Variants in FARP1 observed in about 807,000 individuals in gnomAD.
FARP1 encodes FERM, ARHGEF and pleckstrin domain-containing protein 1.
FARP1 carries 52 observed loss-of-function variants against 128.8 expected under a neutral mutation model. The observed-to-expected ratio is 0.40, with a 90% CI of 0.32 to 0.51. The LOEUF is 0.51. FARP1 is among the 20% of genes least tolerant of loss of function. The pLI is 0.45. For missense variants in FARP1, 1,333 were observed against 1,367.9 expected, an observed-to-expected ratio of 0.97 and a Z score of 0.40; for synonymous variants, 580 against 551.8, an observed-to-expected ratio of 1.05 and a Z score of -0.72.
chr13:98,413,048 C>T (rs9584841), intron 16 of FARP1, among the ~76,000 whole-genome samples: 2,687 of 150,924 alleles, frequency 0.018, 68 homozygotes, highest in African/African-American at 0.057. Flanking sequence ...ATTCAAGCGT[C>T]GGTTTAACAG....
At chr13:98,393,328 C>T (rs1488295997) in intron 11 of FARP1, among the ~76,000 whole-genome samples, 1 of 152,224 alleles carries the variant, frequency 6.6e-6, no homozygotes, top group Non-Finnish European at 1.5e-5. Flanking sequence ...CATCCTCCCT[C>T]CTCTGTGACT....
At chr13:98,286,791 G>A (rs1391278052) in intron 2 of FARP1, among the ~76,000 whole-genome samples, 1 of 152,058 alleles carries the variant, frequency 6.6e-6, no homozygotes, top group African/African-American at 2.4e-5. Flanking sequence ...ACTTCTTCTT[G>A]TTGTTGTTTA....
chr13:98,359,134 G>A (rs1290406391), intron 3 of FARP1, among the ~76,000 whole-genome samples: 2 of 152,180 alleles, frequency 1.3e-5, no homozygotes, highest in Non-Finnish European at 2.9e-5. Context: ...TTGGAGGGAA[G>A]CATATTAGTC....
chr13:98,329,836 C>G (rs1887412096), intron 2 of FARP1: 1 of 152,072 alleles, frequency 6.6e-6, no homozygotes, highest in Admixed American at 6.6e-5. Flanking sequence ...TTCTCGTGAA[C>G]AAAACAAGAT....
At chr13:98,173,852 C>A (rs1877812193) in intron 1 of FARP1, among the ~76,000 whole-genome samples, 3 of 152,216 alleles carry the variant, frequency 2.0e-5, no homozygotes, top group Admixed American at 2.0e-4. Flanking sequence ...CTCTTCACTT[C>A]CCCAGCAGGG....
intron 19 of FARP1, among the ~76,000 whole-genome samples, chr13:98,438,292 C>G (rs1337650125): frequency 6.6e-6 from 1 of 152,116 alleles, no homozygotes; most frequent in Non-Finnish European, 1.5e-5. Flanking sequence ...TTCCTCCAGC[C>G]ACAGTGCTCC....
intron 2 of FARP1, among the ~76,000 whole-genome samples, chr13:98,277,844 C>G (rs605695): frequency 2.0e-5 from 3 of 150,786 alleles, no homozygotes; most frequent in East Asian, 1.9e-4. Flanking sequence ...TTCCACCCCC[C>G]AGAAATTCTG....
At position 98,170,346 on chromosome 13, in the gene FARP1, G is replaced by C. The variant is rs1223166023; in HGVS notation, c.-24+26854G>C. On this transcript the variant is annotated intron_variant, in intron 1 of 26. Coordinates refer to ENST00000319562, the MANE Select transcript of FARP1 (RefSeq NM_005766.4). ...TTACAGGCATGCGCCACCATGCCTG[G>C]CTAATTTTTGTTTGTTTGTTTATTT... 3.3e-5 allele frequency among the ~76,000 whole-genome samples: 5 copies of C among 149,620 alleles called. No homozygotes were observed. The East Asian group carries it at 9.9e-4, about 29-fold the overall frequency.
At chr13:98,403,617 T>A (rs1250611673) in intron 13 of FARP1, 1 of 152,104 alleles carries the variant, frequency 6.6e-6, no homozygotes, top group Non-Finnish European at 1.5e-5. Flanking sequence ...AAGGAGCTGT[T>A]TTTCATTTTG....
chr13:98,368,890 C>T (rs1261365142), intron 5 of FARP1, among the ~76,000 whole-genome samples: 3 of 151,924 alleles, frequency 2.0e-5, no homozygotes, highest in Non-Finnish European at 2.9e-5. Flanking sequence ...GTCATTATCA[C>T]CATCATCACA....
At chr13:98,408,015 C>T (rs761361310) in intron 13 of FARP1, among the ~76,000 whole-genome samples, 13 of 152,192 alleles carry the variant, frequency 8.5e-5, no homozygotes, top group Non-Finnish European at 1.5e-5. Context: ...CTTCAGCGTA[C>T]CAAGTAGCAG....
At chr13:98,447,060 T>G (rs2139178974) in intron 26 of FARP1, 1 of 482,214 alleles carries the variant, frequency 2.1e-6, no homozygotes. Context: ...ACATCTTGCT[T>G]GGAGATCTCT....
intron 26 of FARP1, chr13:98,447,759 G>T (rs982905182): frequency 2.5e-5 from 4 of 159,236 alleles, no homozygotes; most frequent in Admixed American, 2.5e-4. Flanking sequence ...AAGGCTGGAG[G>T]ATCGATTGAG....
chr13:98,367,475 G>C (rs1021867336), intron 4 of FARP1, among the ~76,000 whole-genome samples: 4 of 150,736 alleles, frequency 2.7e-5, no homozygotes, highest in Non-Finnish European at 5.9e-5. Flanking sequence ...TAATCTGTCT[G>C]TCCTGTTTTC....
chr13:98,421,802 A>G (rs982599135), intron 16 of FARP1, among the ~76,000 whole-genome samples: 2 of 152,128 alleles, frequency 1.3e-5, no homozygotes, highest in African/African-American at 4.8e-5. Context: ...GCAGTGAGCT[A>G]TGATGATACC....
intron 18 of FARP1, chr13:98,434,396 C>T (rs533559696): frequency 2.0e-5 from 3 of 152,308 alleles, no homozygotes; most frequent in Non-Finnish European, 4.4e-5. Context: ...TCTGATAAGC[C>T]TGGGAGAATT....
Position 98,440,673 on chromosome 13 carries a change from C to A in FARP1, c.2633C>A (p.Ser878Tyr), listed in dbSNP as rs144535978. 30 of 1,612,048 alleles carry A rather than the reference C, an allele frequency of 1.9e-5. No individual in the cohort carries two copies. The African/African-American group carries it at 2.7e-4, about 14-fold the overall frequency. Residue 878 changes from serine to tyrosine, a missense_variant, in exon 24 of 27, where the codon TCC (serine) becomes TAC (tyrosine). Transcript: ENST00000319562. ...TGCCTTTTGCCCCATCCTGTAGAGT[C>A]CCCTGATGAAGCCACCGCGGCTGAC... ...FLASSPPDNK[S>Y]PDEATAADQE...
rs1172830361 is a variant in FARP1 at position 98,448,495 on chromosome 13, A to G, written c.*178A>G. The G allele has an allele frequency of 2.7e-5, 16 of 597,006 alleles. No homozygotes were observed. Among genetic ancestry groups the G allele is most frequent in the Non-Finnish European group, 4.5e-5 (15 of 333,186 alleles). The allele number at this position is 597,006 out of a possible 1,614,324, so 37.0% of individuals were successfully genotyped here. ...CCCCGACCTCTCAGCGTCTGAATGA[A>G]CAGCGCTCCCACCTCCAGTCCTGGC... On this transcript the variant is annotated 3_prime_UTR_variant, in exon 27 of 27. Coordinates refer to ENST00000319562, the MANE Select transcript of FARP1 (RefSeq NM_005766.4).
At chr13:98,295,115 A>C (rs1885628367) in intron 2 of FARP1, among the ~76,000 whole-genome samples, 1 of 136,334 alleles carries the variant, frequency 7.3e-6, no homozygotes, top group East Asian at 2.2e-4. Flanking sequence ...ATATATCCCC[A>C]GGCATTATTT....
Sources: allele counts gnomAD v4.1 joint callset (sites outside exome capture counted in the v4.1 genomes callset), GRCh38; gene constraint gnomAD v4.1.1; transcripts MANE v1.5; gene names NCBI Gene and HGNC (gene_info 2026-07-23, HGNC 2026-07-21).